The following CDKAL1 variants were observed in gnomAD, a reference collection of about 807,000 sequenced individuals.
The protein encoded by CDKAL1 is CDKAL1 threonylcarbamoyladenosine tRNA methylthiotransferase.
Under a neutral mutation model 68.2 loss-of-function variants are expected in CDKAL1, and 32 were observed. The observed-to-expected ratio is 0.47, with a 90% CI of 0.35 to 0.63. CDKAL1 has a LOEUF of 0.63. Ranked by LOEUF, CDKAL1 falls within the 30% of genes least tolerant of loss-of-function variation. CDKAL1 has a pLI of 0.00. For missense variants in CDKAL1, 606 were observed against 696.7 expected, an observed-to-expected ratio of 0.87 and a Z score of 1.47; for synonymous variants, 234 against 244.3, an observed-to-expected ratio of 0.96 and a Z score of 0.39.
intron 5 of CDKAL1, among the ~76,000 whole-genome samples, chr6:20,704,727 G>A (rs1771522831): frequency 6.6e-6 from 1 of 152,166 alleles, no homozygotes. Context: ...GGAAATAATA[G>A]TTAATTTGCT....
At chr6:21,128,114 G>C (rs1450519133) in intron 13 of CDKAL1, among the ~76,000 whole-genome samples, 4 of 152,194 alleles carry the variant, frequency 2.6e-5, no homozygotes, top group Admixed American at 2.6e-4. Context: ...TTGTGGGAAA[G>C]CAATACATGT....
At chr6:20,537,062 CAG>C (rs1763202517) in intron 2 of CDKAL1, among the ~76,000 whole-genome samples, 1 of 151,998 alleles carries the variant, frequency 6.6e-6, no homozygotes, top group Non-Finnish European at 1.5e-5. Context: ...TGTTTTGAGA[CAG>C]AGTCTCGCTC....
chr6:20,659,026 T>G (rs1288539633), intron 5 of CDKAL1, among the ~76,000 whole-genome samples: 1 of 151,990 alleles, frequency 6.6e-6, no homozygotes, highest in South Asian at 2.1e-4. Flanking sequence ...GAGGGGGTCT[T>G]GCTATGTTGT....
In CDKAL1 at chr6:20,783,698, A is replaced by G. The variant is rs140663612; in HGVS notation, c.638+2433A>G. ...CTAATTTGTGTCCACAACATTCCCT[A>G]TGTATCCTGATTATGGCACTTTACA... is the stretch of plus-strand genomic sequence containing the variant. On this transcript the variant is annotated intron_variant, in intron 8 of 15. Coordinates refer to ENST00000274695, the MANE Select transcript of CDKAL1 (RefSeq NM_017774.3). Among the ~76,000 whole-genome samples the G allele has an allele frequency of 3.4e-4, 51 of 152,222 alleles. 1 individual carries two copies. The East Asian group carries it at 5.8e-3, about 17-fold the overall frequency.
chr6:20,790,044 C>T (rs1186372345), intron 8 of CDKAL1, among the ~76,000 whole-genome samples: 1 of 152,202 alleles, frequency 6.6e-6, no homozygotes, highest in African/African-American at 2.4e-5. Flanking sequence ...AATCCTCCTG[C>T]CTTGGCCTCC....
chr6:21,097,752 A>G (rs938486284), intron 12 of CDKAL1, among the ~76,000 whole-genome samples: 1 of 152,238 alleles, frequency 6.6e-6, no homozygotes, highest in Non-Finnish European at 1.5e-5. Context: ...CATACTAAAA[A>G]GAAATTCATG....
chr6:21,165,985 G>A (rs941804180), intron 13 of CDKAL1, among the ~76,000 whole-genome samples: 3 of 152,120 alleles, frequency 2.0e-5, no homozygotes, highest in Non-Finnish European at 2.9e-5. Flanking sequence ...TGTGACCTTC[G>A]GAAAGTAACT....
chr6:21,159,779 G>C (rs562726822), intron 13 of CDKAL1, among the ~76,000 whole-genome samples: 1 of 151,944 alleles, frequency 6.6e-6, no homozygotes, highest in African/African-American at 2.4e-5. Context: ...CCTGTTCTGA[G>C]TCCGCACCAT....
intron 9 of CDKAL1, among the ~76,000 whole-genome samples, chr6:20,950,584 G>T (rs1259947294): frequency 2.6e-5 from 4 of 152,132 alleles, no homozygotes; most frequent in African/African-American, 9.7e-5. Context: ...TTTCCTTAGT[G>T]GGAGAATACA....
At chr6:21,192,034 A>T (rs1436020556) in intron 13 of CDKAL1, among the ~76,000 whole-genome samples, 1 of 12,152 alleles carries the variant, frequency 8.2e-5, no homozygotes, top group Admixed American at 1.3e-3. Flanking sequence ...TTTTTTTTTG[A>T]GACGGAGTCT....
At chr6:20,919,756 C>G (rs1048784588) in intron 9 of CDKAL1, among the ~76,000 whole-genome samples, 1 of 152,144 alleles carries the variant, frequency 6.6e-6, no homozygotes, top group Non-Finnish European at 1.5e-5. Flanking sequence ...GAACACCTTA[C>G]TATAATCTGG....
chr6:20,735,927 T>A (rs10484631), intron 5 of CDKAL1, among the ~76,000 whole-genome samples: 10,926 of 152,232 alleles, frequency 0.072, 539 homozygotes, highest in African/African-American at 0.14. Flanking sequence ...TTCAATTGGA[T>A]TCTCTCACAC....
intron 9 of CDKAL1, among the ~76,000 whole-genome samples, chr6:20,853,386 C>CAAAAAAAA (rs751328082): frequency 3.1e-5 from 1 of 32,474 alleles, no homozygotes; most frequent in East Asian, 4.3e-4. Context: ...TCTCAAAAAA[C>CAAAAAAAA]AAAACAAAAA....
At chr6:21,083,989 C>T (rs1772561319) in intron 12 of CDKAL1, among the ~76,000 whole-genome samples, 1 of 152,152 alleles carries the variant, frequency 6.6e-6, no homozygotes, top group East Asian at 1.9e-4. Flanking sequence ...AATTTGATCA[C>T]TTGGTTCAGG....
chr6:21,029,649 C>T (rs1769158022), intron 11 of CDKAL1, among the ~76,000 whole-genome samples: 1 of 151,870 alleles, frequency 6.6e-6, no homozygotes, highest in East Asian at 1.9e-4. Context: ...AAAACAAACC[C>T]ATCAGAAAGT....
chr6:20,636,896 G>A (rs1222924549), intron 4 of CDKAL1, among the ~76,000 whole-genome samples: 1 of 151,972 alleles, frequency 6.6e-6, no homozygotes, highest in African/African-American at 2.4e-5. Flanking sequence ...AATTAGCCAG[G>A]TATGGTGGTG....
chr6:20,671,528 G>C (rs1450775829), intron 5 of CDKAL1, among the ~76,000 whole-genome samples: 1 of 152,074 alleles, frequency 6.6e-6, no homozygotes, highest in Non-Finnish European at 1.5e-5. Context: ...TATCACCTTT[G>C]TGTAAAAAGA....
intron 8 of CDKAL1, among the ~76,000 whole-genome samples, chr6:20,821,244 G>C (rs1231331045): frequency 6.6e-6 from 1 of 152,078 alleles, no homozygotes; most frequent in Non-Finnish European, 1.5e-5. Flanking sequence ...GTCTTGTGTG[G>C]CTGCTGTAGG....
chr6:20,830,767 A>G (rs984138020), intron 8 of CDKAL1, among the ~76,000 whole-genome samples: 2 of 152,132 alleles, frequency 1.3e-5, no homozygotes, highest in African/African-American at 4.8e-5. Context: ...TGTCTTTGGC[A>G]AGGAAAAGTA....
Sources: gnomAD v4.1 joint callset for allele counts (sites outside exome capture counted in the v4.1 genomes callset) on GRCh38, gnomAD v4.1.1 for gene constraint, MANE v1.5 for transcripts, NCBI Gene and HGNC (gene_info 2026-07-23, HGNC 2026-07-21) for gene names.